Variants in XRN1 observed in about 807,000 individuals in gnomAD.
The protein encoded by XRN1 is 5'-3' exoribonuclease 1, also known as strand-exchange protein 1 homolog.
XRN1 carries 67 observed loss-of-function variants against 222.3 expected under a neutral mutation model. That is an observed-to-expected ratio of 0.30 (90% CI 0.25 to 0.37). The LOEUF is 0.37. Among genes scored for constraint, XRN1 ranks in the 10% least tolerant of loss-of-function variants. XRN1 has a pLI of 1.00. For synonymous variants in XRN1, 643 were observed against 652.4 expected (o/e 0.99, Z 0.22); for missense variants, 1,707 against 2,000.2 (o/e 0.85, Z 2.80).
intron 40 of XRN1, among the ~76,000 whole-genome samples, chr3:142,312,080 G>T (rs2065092148): frequency 6.6e-6 from 1 of 151,922 alleles, no homozygotes; most frequent in African/African-American, 2.4e-5. Flanking sequence ...AGAGACCTAG[G>T]GTTCGAGACC....
At chr3:142,396,950 G>A (rs1201768034) in intron 20 of XRN1, among the ~76,000 whole-genome samples, 1 of 152,116 alleles carries the variant, frequency 6.6e-6, no homozygotes, top group African/African-American at 2.4e-5. Context: ...AATGGGGAAC[G>A]GGAGAAGATG....
chr3:142,380,371 T>C (rs2067266496), intron 22 of XRN1, among the ~76,000 whole-genome samples, 191 bp from the exon 23 acceptor site: 1 of 152,198 alleles, frequency 6.6e-6, no homozygotes, highest in Non-Finnish European at 1.5e-5. Flanking sequence ...TTAACTTCTT[T>C]TGAGACAGGA....
intron 20 of XRN1, 25 bp downstream of exon 20, chr3:142,397,304 A>G (rs2067967162): frequency 1.9e-6 from 3 of 1,551,876 alleles, no homozygotes; most frequent in South Asian, 2.5e-5. Flanking sequence ...GTTCCATGAT[A>G]TTAAATACTT....
At chr3:142,380,650 T>A (rs1559832970) in intron 22 of XRN1, among the ~76,000 whole-genome samples, 2 of 152,136 alleles carry the variant, frequency 1.3e-5, no homozygotes, top group African/African-American at 4.8e-5. Flanking sequence ...CCACTGCACC[T>A]GGACAATCAT....
At chr3:142,434,229 C>T (rs2069764069) in intron 1 of XRN1, among the ~76,000 whole-genome samples, 1 of 152,144 alleles carries the variant, frequency 6.6e-6, no homozygotes, top group Non-Finnish European at 1.5e-5. Flanking sequence ...TCACTGCAGC[C>T]TCCACCTCCC....
chr3:142,315,947 G>A (rs757682016), intron 39 of XRN1, among the ~76,000 whole-genome samples: 2 of 151,930 alleles, frequency 1.3e-5, no homozygotes, highest in Non-Finnish European at 2.9e-5. Context: ...GCATTTTTAG[G>A]TCTACTGACT....
chr3:142,361,074 C>A (rs1425242566), intron 29 of XRN1, among the ~76,000 whole-genome samples: 2 of 152,162 alleles, frequency 1.3e-5, no homozygotes, highest in Non-Finnish European at 2.9e-5. Context: ...ATCTAGGCAA[C>A]TAAAACTCTG....
rs557143012 is a variant in XRN1 at position 142,359,991 on chromosome 3, A to G, written c.3395-60T>C. On this transcript the variant is annotated intron_variant, in intron 29 of 40. Transcript: ENST00000392981. ...AAATCATATGATGAAAAATCAACAG[A>G]TAAGTTTTTGGAGTGTTTGGAAGTA... The G allele has an allele frequency of 2.9e-5, 36 of 1,257,618 alleles. No homozygotes were observed. The African/African-American group carries it at 4.8e-4, about 17-fold the overall frequency. The allele number at this position is 1,257,618 out of a possible 1,614,324, so 77.9% of individuals were successfully genotyped here.
At chr3:142,382,768 C>T (rs1015105986) in intron 22 of XRN1, among the ~76,000 whole-genome samples, 2 of 152,058 alleles carry the variant, frequency 1.3e-5, no homozygotes, top group East Asian at 1.9e-4. Flanking sequence ...CATATGCATA[C>T]GTGTATATAT....
At chr3:142,414,839 G>C (rs2068724565) in intron 13 of XRN1, among the ~76,000 whole-genome samples, 1 of 152,142 alleles carries the variant, frequency 6.6e-6, no homozygotes, top group East Asian at 1.9e-4. Flanking sequence ...TCTGAAATTG[G>C]GATGAATCAG....
chr3:142,421,656 G>GA, intron 8 of XRN1, 113 bp from the exon 9 acceptor site: 2 of 686,746 alleles, frequency 2.9e-6, no homozygotes, highest in South Asian at 5.5e-5. Flanking sequence ...TACTAATCAA[G>GA]AAAAAACAGT....
intron 39 of XRN1, among the ~76,000 whole-genome samples, chr3:142,314,663 G>A (rs1206557946): frequency 6.6e-6 from 1 of 151,750 alleles, no homozygotes; most frequent in African/African-American, 2.4e-5. Flanking sequence ...CTGGCACTTT[G>A]GGATGCCGAG....
At position 142,443,341 on chromosome 3, in the gene XRN1, C is replaced by T. The variant is rs115201211; in HGVS notation, c.75+4529G>A. On this transcript the variant is annotated intron_variant, in intron 1 of 40. Transcript: ENST00000392981. ...TGAGAGTGGGGACTGAGAGACAGGACTAGCTACATTTCCTAGGCCGACTAA... is the reference window on the plus strand; with the variant it reads ...TGAGAGTGGGGACTGAGAGACAGGATTAGCTACATTTCCTAGGCCGACTAA... 1.1e-3 allele frequency among the ~76,000 whole-genome samples: 171 copies of T among 152,298 alleles called. 1 individual carries two copies. The highest frequency in any genetic ancestry group is 6.8e-3 in the Middle Eastern group (2 of 294).
In XRN1 at chr3:142,447,847, GC is replaced by G; in HGVS notation, c.75+22del. 1.2e-6 allele frequency: 2 copies of G among 1,612,590 alleles called. No homozygotes were observed. The highest frequency in any genetic ancestry group is 1.7e-6 in the Non-Finnish European group (2 of 1,179,666). ...GAGCCCCGGGTCCTCGGCTTTCTGA[GC>G]CGTTGCCCCTCGCTCACCCACCTGA... On this transcript the variant is annotated intron_variant, in intron 1 of 40. Coordinates refer to ENST00000392981, the MANE Select transcript of XRN1 (RefSeq NM_001282857.2). This position sits in a 1 kb window ranked among gnomAD's most constrained non-coding sequence, Gnocchi z 4.2.
chr3:142,368,029 G>A (rs73238164), intron 27 of XRN1, among the ~76,000 whole-genome samples: 442 of 150,100 alleles, frequency 2.9e-3, no homozygotes, highest in Admixed American at 5.1e-3. Context: ...ATGCATATAT[G>A]TATGATCATA....
At chr3:142,435,762 C>CAAAAAA in intron 1 of XRN1, among the ~76,000 whole-genome samples, 1 of 58,510 alleles carries the variant, frequency 1.7e-5, no homozygotes, top group South Asian at 5.1e-4. Context: ...CCCCACCCCC[C>CAAAAAA]AAAAAAAAAA....
intron 22 of XRN1, among the ~76,000 whole-genome samples, chr3:142,380,816 A>G (rs906624876): frequency 1.3e-5 from 2 of 151,962 alleles, no homozygotes; most frequent in Non-Finnish European, 2.9e-5. Flanking sequence ...TGCACCACTA[A>G]GCTCAATTAT....
intron 37 of XRN1, among the ~76,000 whole-genome samples, chr3:142,321,105 CTTTTTTTTTTT>C (rs573856556): frequency 4.6e-5 from 4 of 87,280 alleles, no homozygotes; most frequent in African/African-American, 1.4e-4. Flanking sequence ...CATCCACTTC[CTTTTTTTTTTT>C]TTTTTTTTTT....
At chr3:142,383,024 CACT>C (rs1206163408) in intron 22 of XRN1, among the ~76,000 whole-genome samples, 1 of 135,500 alleles carries the variant, frequency 7.4e-6, no homozygotes, top group Non-Finnish European at 1.6e-5. Flanking sequence ...TCATCCATAC[CACT>C]ACAATAAACA....
Sources: allele counts gnomAD v4.1 joint callset (sites outside exome capture counted in the v4.1 genomes callset), GRCh38; gene constraint gnomAD v4.1.1; non-coding constraint Gnocchi (gnomAD v3.1); transcripts MANE v1.5; gene names NCBI Gene and HGNC (gene_info 2026-07-23, HGNC 2026-07-21).